Variants in MAST4 observed in about 807,000 individuals in gnomAD.
MAST4 encodes microtubule-associated serine/threonine-protein kinase 4.
MAST4 carries 89 observed loss-of-function variants against 162.7 expected under a neutral mutation model. The observed-to-expected ratio is 0.55, with a 90% CI of 0.46 to 0.65. MAST4 has a LOEUF of 0.65. Ranked by LOEUF, MAST4 falls within the 30% of genes least tolerant of loss-of-function variation. The pLI is 0.00. For synonymous variants in MAST4, 1,479 were observed against 1,361.1 expected, an observed-to-expected ratio of 1.09 and a Z score of -1.91; for missense variants, 3,153 against 3,374.0, an observed-to-expected ratio of 0.93 and a Z score of 1.62.
At chr5:66,671,361 A>C (rs747300777) in intron 1 of MAST4, among the ~76,000 whole-genome samples, 55 of 152,264 alleles carry the variant, frequency 3.6e-4, no homozygotes, top group Admixed American at 1.1e-3. Context: ...TTCCAGTGTG[A>C]AGAGGGTACA....
intron 5 of MAST4, among the ~76,000 whole-genome samples, chr5:67,068,241 G>T (rs1760478877): frequency 6.6e-6 from 1 of 152,148 alleles, no homozygotes; most frequent in African/African-American, 2.4e-5. Context: ...TGTTGTATTA[G>T]TCTGTTCTCA....
intron 3 of MAST4, among the ~76,000 whole-genome samples, chr5:66,817,002 T>G (rs1405902726): frequency 2.0e-5 from 3 of 152,176 alleles, no homozygotes; most frequent in African/African-American, 7.2e-5. Flanking sequence ...ACCCTTACCC[T>G]CTACCCACCC....
chr5:67,106,181 T>A (rs1765573773), intron 10 of MAST4, among the ~76,000 whole-genome samples: 1 of 152,088 alleles, frequency 6.6e-6, no homozygotes, highest in Admixed American at 6.6e-5. Context: ...CTCCTCCCTC[T>A]CTCCTAGGGA....
At chr5:67,093,243 A>C (rs1764061432) in intron 6 of MAST4, among the ~76,000 whole-genome samples, 2 of 152,140 alleles carry the variant, frequency 1.3e-5, no homozygotes, top group South Asian at 4.1e-4. Flanking sequence ...CATTTAATGT[A>C]ACACCAAGAT....
At chr5:67,129,187 C>T (rs1430251733) in intron 14 of MAST4, among the ~76,000 whole-genome samples, 1 of 152,108 alleles carries the variant, frequency 6.6e-6, no homozygotes, top group African/African-American at 2.4e-5. Context: ...CATCGTTGGC[C>T]CGCTCTTATG....
chr5:66,743,058 C>A (rs1472124472), intron 1 of MAST4, among the ~76,000 whole-genome samples: 1 of 152,202 alleles, frequency 6.6e-6, no homozygotes, highest in Non-Finnish European at 1.5e-5. Context: ...AGCTTCCACT[C>A]CCTGCGCGGC....
intron 5 of MAST4, among the ~76,000 whole-genome samples, chr5:67,058,799 AAGT>A (rs1264609811): frequency 9.9e-5 from 15 of 152,250 alleles, no homozygotes; most frequent in African/African-American, 3.6e-4. Flanking sequence ...GCGAATAAGA[AAGT>A]AGGGAAATTA....
intron 3 of MAST4, among the ~76,000 whole-genome samples, chr5:66,841,857 A>G (rs568532814): frequency 1.2e-3 from 178 of 152,106 alleles, no homozygotes; most frequent in African/African-American, 4.1e-3. Flanking sequence ...GCATTCTCTT[A>G]TTTACTCATT....
At chr5:66,943,109 T>C (rs986928203) in intron 4 of MAST4, among the ~76,000 whole-genome samples, 1 of 151,656 alleles carries the variant, frequency 6.6e-6, no homozygotes, top group African/African-American at 2.4e-5. Context: ...TATTGGGGGG[T>C]AGGATTTTGG....
intron 4 of MAST4, among the ~76,000 whole-genome samples, chr5:67,029,133 C>CAAA: frequency 7.0e-6 from 1 of 142,714 alleles, no homozygotes; most frequent in African/African-American, 2.6e-5. Flanking sequence ...GACACTCTCT[C>CAAA]AAAAAAAAAA....
At chr5:66,897,571 C>T (rs1762766469) in intron 3 of MAST4, among the ~76,000 whole-genome samples, 1 of 152,222 alleles carries the variant, frequency 6.6e-6, no homozygotes, top group South Asian at 2.1e-4. Flanking sequence ...ATTACCATCA[C>T]ATCTGATTCC....
chr5:67,054,302 G>T, intron 4 of MAST4, 102 bp from the exon 5 acceptor site: 2 of 811,702 alleles, frequency 2.5e-6, no homozygotes, highest in Non-Finnish European at 3.9e-6. Context: ...AATAACATGA[G>T]CAGATAGGTT....
At chr5:67,078,796 ATATT>A (rs1180860173) in intron 5 of MAST4, among the ~76,000 whole-genome samples, 13 of 128,570 alleles carry the variant, frequency 1.0e-4, no homozygotes, top group South Asian at 2.3e-4. Context: ...TTATCTAAAT[ATATT>A]TATTTATATT....
chr5:66,703,222 A>G (rs546198744), intron 1 of MAST4, among the ~76,000 whole-genome samples: 12 of 152,302 alleles, frequency 7.9e-5, no homozygotes, highest in African/African-American at 2.6e-4. Context: ...CTTGATTCCC[A>G]GCAAACAGAT....
chr5:66,676,902 G>A (rs1353235772), intron 1 of MAST4, among the ~76,000 whole-genome samples: 1 of 152,128 alleles, frequency 6.6e-6, no homozygotes, highest in African/African-American at 2.4e-5. Flanking sequence ...GCAAAATAAT[G>A]GTTCTGTCAA....
At chr5:66,747,097 G>GGTGT (rs138318051) in intron 1 of MAST4, among the ~76,000 whole-genome samples, 6,032 of 146,020 alleles carry the variant, frequency 0.041, 109 homozygotes, top group Middle Eastern at 0.091. Flanking sequence ...GCATGCGCAT[G>GGTGT]GTGTGTGTGT....
At chr5:66,660,011 A>T (rs1746800344) in intron 1 of MAST4, among the ~76,000 whole-genome samples, 1 of 152,078 alleles carries the variant, frequency 6.6e-6, no homozygotes, top group Admixed American at 6.5e-5. Flanking sequence ...GCTATATGTT[A>T]TCCACAGATG....
intron 4 of MAST4, among the ~76,000 whole-genome samples, chr5:66,984,179 A>G (rs916017754): frequency 6.6e-6 from 1 of 152,220 alleles, no homozygotes; most frequent in Non-Finnish European, 1.5e-5. Flanking sequence ...GCAGAGAAGT[A>G]AAACAGGGGA....
chr5:67,059,779 A>G (rs1759318900), intron 5 of MAST4, among the ~76,000 whole-genome samples: 1 of 152,080 alleles, frequency 6.6e-6, no homozygotes, highest in Admixed American at 6.5e-5. Flanking sequence ...AAGATAGGAA[A>G]TATCCCTAAA....
Sources: gnomAD v4.1 joint callset for allele counts (sites outside exome capture counted in the v4.1 genomes callset) on GRCh38, gnomAD v4.1.1 for gene constraint, MANE v1.5 for transcripts, NCBI Gene and HGNC (gene_info 2026-07-23, HGNC 2026-07-21) for gene names.